The following STRN variants were observed in gnomAD, a reference collection of about 807,000 sequenced individuals.
The protein encoded by STRN is protein phosphatase 2 regulatory subunit B'''alpha.
A neutral mutation model predicts 96.3 loss-of-function variants in STRN; 53 were observed. That is an observed-to-expected ratio of 0.55 (90% confidence interval 0.44 to 0.69). STRN has a LOEUF of 0.69. Ranked by LOEUF, STRN falls within the 30% of genes least tolerant of loss-of-function variation. The probability of loss-of-function intolerance (pLI) is 0.00; values close to 1 mark genes in which losing one functional copy is unlikely to be tolerated. For synonymous variants in STRN, 428 were observed against 355.9 expected (o/e 1.20, Z -2.28); for missense variants, 987 against 963.9 (o/e 1.02, Z -0.32).
rs556680461 is a variant in STRN at position 36,879,351 on chromosome 2, T to C, written c.1187-1324A>G. Among the ~76,000 whole-genome samples, 7 of 152,362 alleles carry C rather than the reference T, an allele frequency of 4.6e-5. No individual in the cohort carries two copies. In the South Asian group the frequency reaches 6.2e-4, roughly 14 times the overall value. ...TCCCAAAGTGCTGGGGATACAGGCG[T>C]GAGCCACCACGCCCAGCGAGAAAAT... is the stretch of plus-strand genomic sequence containing the variant. On this transcript the variant is annotated intron_variant, in intron 9 of 17. Transcript: ENST00000263918.
chr2:36,874,729 A>AC (rs1668856633), intron 10 of STRN, among the ~76,000 whole-genome samples: 1 of 149,172 alleles, frequency 6.7e-6, no homozygotes, highest in African/African-American at 2.5e-5. Context: ...AAAAAAAAAA[A>AC]AAAAAAAAAA....
intron 7 of STRN, among the ~76,000 whole-genome samples, chr2:36,891,049 C>A (rs1266646715): frequency 1.3e-5 from 2 of 152,122 alleles, no homozygotes; most frequent in African/African-American, 2.4e-5. Flanking sequence ...TGGTTCAGCA[C>A]CCCCCAATCC....
chr2:36,928,401 C>G (rs1670473990), intron 1 of STRN, among the ~76,000 whole-genome samples: 1 of 152,112 alleles, frequency 6.6e-6, no homozygotes, highest in African/African-American at 2.4e-5. Flanking sequence ...CCTGTAATCC[C>G]AGAACTTTGG....
At chr2:36,954,732 G>A (rs987191031) in intron 1 of STRN, among the ~76,000 whole-genome samples, 4 of 151,562 alleles carry the variant, frequency 2.6e-5, no homozygotes, top group African/African-American at 9.7e-5. Flanking sequence ...TGCCTCCTGG[G>A]TTCAAGCGAT....
At chr2:36,963,607 T>G (rs1029645687) in intron 1 of STRN, among the ~76,000 whole-genome samples, 1 of 152,218 alleles carries the variant, frequency 6.6e-6, no homozygotes, top group Non-Finnish European at 1.5e-5. Context: ...GACACATTTT[T>G]AAAGTTTCTC....
intron 1 of STRN, among the ~76,000 whole-genome samples, chr2:36,933,067 C>CAA (rs1461494815): frequency 6.6e-6 from 1 of 151,122 alleles, no homozygotes; most frequent in African/African-American, 2.4e-5. Context: ...TTTACACACA[C>CAA]ACACACACAC....
At chr2:36,918,807 T>C (rs1670174821) in intron 2 of STRN, among the ~76,000 whole-genome samples, 1 of 152,214 alleles carries the variant, frequency 6.6e-6, no homozygotes, top group Non-Finnish European at 1.5e-5. Context: ...TTCTCATTCA[T>C]ACCGTTTTCC....
chr2:36,875,904 G>T (rs556553236), intron 10 of STRN, among the ~76,000 whole-genome samples: 1 of 152,056 alleles, frequency 6.6e-6, no homozygotes, highest in African/African-American at 2.4e-5. Flanking sequence ...TGATCTGCCC[G>T]CCTCGGCCTC....
Position 36,953,518 on chromosome 2 carries a change from T to C in STRN, c.234+12712A>G, listed in dbSNP as rs527944917. On this transcript the variant is annotated intron_variant, in intron 1 of 17. Transcript: ENST00000263918. ...CCCAGGTTCACACCATTCTCCTGCC[T>C]CAGCCTCCCAAGTAGCTGGGACTAC... is the stretch of plus-strand genomic sequence containing the variant. 1.9e-4 allele frequency among the ~76,000 whole-genome samples: 28 copies of C among 150,866 alleles called. No homozygotes were observed. The South Asian group carries it at 6.0e-3, about 32-fold the overall frequency.
chr2:36,907,198 C>T (rs750232873), intron 3 of STRN, among the ~76,000 whole-genome samples: 2 of 152,164 alleles, frequency 1.3e-5, no homozygotes, highest in Non-Finnish European at 2.9e-5. Flanking sequence ...TTTATAGGAT[C>T]TTATTCAAGT....
chr2:36,902,908 G>A, intron 4 of STRN, 157 bp from the exon 5 acceptor site: 1 of 487,504 alleles, frequency 2.1e-6, no homozygotes, highest in South Asian at 6.2e-5. Context: ...TCTTCCAGCT[G>A]CAGATGGAGC....
chr2:36,930,842 G>A (rs1349755588), intron 1 of STRN, among the ~76,000 whole-genome samples: 1 of 151,930 alleles, frequency 6.6e-6, no homozygotes, highest in African/African-American at 2.4e-5. Context: ...TAACCAGCCT[G>A]GCCAACATGG....
chr2:36,848,178 G>C lies in STRN; in HGVS notation c.*1278C>G, dbSNP rs746869453. 2.0e-5 allele frequency: 3 copies of C among 152,150 alleles called. No homozygotes were observed. The highest frequency in any genetic ancestry group is 2.9e-5 in the Non-Finnish European group (2 of 68,018). The allele number at this position is 152,150 out of a possible 1,614,324, so 9.4% of individuals were successfully genotyped here. On this transcript the variant is annotated 3_prime_UTR_variant, in exon 18 of 18. Transcript: ENST00000263918. ...TGTGGATTTCCCCAGAAACAATACT[G>C]ATCCACTGCCCATTAAAACATGTAT...
At chr2:36,855,112 G>C (rs755042044) in intron 15 of STRN, 100 bp downstream of exon 15, 1 of 1,246,866 alleles carries the variant, frequency 8.0e-7, no homozygotes, top group Non-Finnish European at 1.1e-6. Context: ...GAGACAGAAA[G>C]CTTTATAATG....
At chr2:36,924,664 T>C (rs995849642) in intron 2 of STRN, among the ~76,000 whole-genome samples, 1 of 152,198 alleles carries the variant, frequency 6.6e-6, no homozygotes, top group African/African-American at 2.4e-5. Flanking sequence ...ATTACAACCA[T>C]TCATACAAAT....
At chr2:36,932,961 T>G (rs1214135801) in intron 1 of STRN, among the ~76,000 whole-genome samples, 1 of 152,058 alleles carries the variant, frequency 6.6e-6, no homozygotes, top group Non-Finnish European at 1.5e-5. Context: ...CTCGAATCAG[T>G]CAGTTAAATT....
chr2:36,906,031 G>C (rs1194551832), intron 3 of STRN, among the ~76,000 whole-genome samples: 2 of 152,124 alleles, frequency 1.3e-5, no homozygotes, highest in Non-Finnish European at 2.9e-5. Flanking sequence ...TGGATTATTT[G>C]TAACACAAAG....
chr2:36,875,605 T>C (rs1668883725), intron 10 of STRN, among the ~76,000 whole-genome samples: 1 of 151,452 alleles, frequency 6.6e-6, no homozygotes, highest in Non-Finnish European at 1.5e-5. Context: ...TTAACAGTGT[T>C]TTAAAAAGAC....
chr2:36,938,126 T>C (rs1171906113), intron 1 of STRN, among the ~76,000 whole-genome samples: 1 of 152,128 alleles, frequency 6.6e-6, no homozygotes, highest in Non-Finnish European at 1.5e-5. Flanking sequence ...CTTAGTATAA[T>C]CAAAAGTTTA....
Sources: allele counts gnomAD v4.1 joint callset (sites outside exome capture counted in the v4.1 genomes callset), GRCh38; gene constraint gnomAD v4.1.1; transcripts MANE v1.5; gene names NCBI Gene and HGNC (gene_info 2026-07-23, HGNC 2026-07-21).